Variants in DGKI observed in about 807,000 individuals in gnomAD.
The protein encoded by DGKI is DAG kinase iota.
DGKI carries 55 observed loss-of-function variants against 147.5 expected under a neutral mutation model. The ratio of observed to expected loss-of-function variants is 0.37; its 90% CI spans 0.30 to 0.47. The LOEUF (loss-of-function observed/expected upper bound fraction) is 0.47, where lower values mean the gene tolerates loss of function less well. DGKI is among the 20% of genes least tolerant of loss of function. DGKI has a pLI of 1.00. For missense variants in DGKI, 1,007 were observed against 1,323.8 expected (o/e 0.76, Z 3.71); for synonymous variants, 469 against 477.1 (o/e 0.98, Z 0.22).
At chr7:137,544,378 C>T (rs1347064877) in intron 20 of DGKI, among the ~76,000 whole-genome samples, 1 of 152,174 alleles carries the variant, frequency 6.6e-6, no homozygotes, top group African/African-American at 2.4e-5. Context: ...CCAGCCACAA[C>T]ATTCAGTTTG....
intron 1 of DGKI, among the ~76,000 whole-genome samples, chr7:137,697,452 A>G (rs1823828965): frequency 6.6e-6 from 1 of 152,260 alleles, no homozygotes; most frequent in Non-Finnish European, 1.5e-5. Context: ...AAGTCAAAGT[A>G]TAAATAAGAA....
chr7:137,411,594 G>C (rs370216294), intron 29 of DGKI, among the ~76,000 whole-genome samples: 3 of 152,234 alleles, frequency 2.0e-5, no homozygotes, highest in East Asian at 3.9e-4. Context: ...TGGTAGAGCC[G>C]AGATCCAAAC....
intron 1 of DGKI, among the ~76,000 whole-genome samples, chr7:137,769,803 T>C (rs1254146175): frequency 6.6e-6 from 1 of 152,172 alleles, no homozygotes; most frequent in African/African-American, 2.4e-5. Flanking sequence ...GAACGGCAAT[T>C]GTTAAAAAGT....
chr7:137,603,583 T>C (rs1446994474), intron 10 of DGKI, among the ~76,000 whole-genome samples: 1 of 152,160 alleles, frequency 6.6e-6, no homozygotes, highest in East Asian at 1.9e-4. Flanking sequence ...ACAAAATAAA[T>C]TAATTCACCA....
At chr7:137,482,065 TAA>T (rs928440932) in intron 23 of DGKI, among the ~76,000 whole-genome samples, 16 of 151,796 alleles carry the variant, frequency 1.1e-4, no homozygotes, top group African/African-American at 3.9e-4. Flanking sequence ...CACTAAGAAA[TAA>T]AAGATTTAGT....
At chr7:137,821,888 G>T (rs1412597707) in intron 1 of DGKI, among the ~76,000 whole-genome samples, 2 of 152,114 alleles carry the variant, frequency 1.3e-5, no homozygotes, top group African/African-American at 4.8e-5. Flanking sequence ...GGTGTGAGGA[G>T]GAGCCAAAAA....
At chr7:137,560,481 G>C (rs1376644461) in intron 19 of DGKI, among the ~76,000 whole-genome samples, 1 of 152,130 alleles carries the variant, frequency 6.6e-6, no homozygotes, top group African/African-American at 2.4e-5. Context: ...TAAATGCAAA[G>C]AAAACCACTG....
At chr7:137,663,819 A>G (rs1174787079) in intron 3 of DGKI, among the ~76,000 whole-genome samples, 2 of 152,190 alleles carry the variant, frequency 1.3e-5, no homozygotes, top group East Asian at 1.9e-4. Context: ...ATATTCCAGC[A>G]CTGAGAACCA....
At chr7:137,471,545 A>C (rs1033641849) in intron 23 of DGKI, among the ~76,000 whole-genome samples, 45 of 152,282 alleles carry the variant, frequency 3.0e-4, no homozygotes, top group African/African-American at 1.1e-3. Flanking sequence ...CAGAAACACA[A>C]ATTTCCAGGG....
At chr7:137,589,500 G>A (rs2128984841) in intron 12 of DGKI, among the ~76,000 whole-genome samples, 1 of 152,260 alleles carries the variant, frequency 6.6e-6, no homozygotes, top group East Asian at 1.9e-4. Flanking sequence ...TCTTTTACGT[G>A]CAATACCAAC....
intron 27 of DGKI, among the ~76,000 whole-genome samples, chr7:137,446,729 A>AAAAG (rs369085489): frequency 5.9e-5 from 9 of 152,170 alleles, no homozygotes; most frequent in Admixed American, 2.0e-4. Context: ...TCTGTCTCAA[A>AAAAG]AAAGAAAGAA....
At chr7:137,684,498 C>T (rs1376968445) in intron 2 of DGKI, among the ~76,000 whole-genome samples, 1 of 152,126 alleles carries the variant, frequency 6.6e-6, no homozygotes, top group Non-Finnish European at 1.5e-5. Context: ...TTTAGATAAT[C>T]ACTTGCCTCG....
intron 1 of DGKI, among the ~76,000 whole-genome samples, chr7:137,829,479 G>A (rs1201215984): frequency 2.0e-5 from 3 of 152,180 alleles, no homozygotes; most frequent in African/African-American, 7.2e-5. Context: ...CCACAACGCT[G>A]TGCTGTTTAA....
At chr7:137,743,670 A>G (rs1585433781) in intron 1 of DGKI, among the ~76,000 whole-genome samples, 1 of 152,290 alleles carries the variant, frequency 6.6e-6, no homozygotes, top group East Asian at 1.9e-4. Context: ...TCACACATAA[A>G]GGAACTAGAA....
At chr7:137,472,368 A>ATTATATACAT (rs1814995250) in intron 23 of DGKI, among the ~76,000 whole-genome samples, 1 of 19,074 alleles carries the variant, frequency 5.2e-5, no homozygotes, top group African/African-American at 2.2e-4. Flanking sequence ...ATATACATAT[A>ATTATATACAT]ATTATTATAT....
At chr7:137,618,140 TA>T (rs1307383321) in intron 8 of DGKI, among the ~76,000 whole-genome samples, 260 of 10,770 alleles carry the variant, frequency 0.024, 38 homozygotes, top group Non-Finnish European at 0.043. Context: ...TATATATATA[TA>T]TATATATATA....
At chr7:137,396,759 G>T (rs182543195) in intron 31 of DGKI, among the ~76,000 whole-genome samples, 215 of 152,226 alleles carry the variant, frequency 1.4e-3, no homozygotes, top group Admixed American at 4.0e-3. Context: ...GCCTATCTTT[G>T]TTCCTGTTTG....
chr7:137,707,213 G>C (rs762084579), intron 1 of DGKI, among the ~76,000 whole-genome samples: 1 of 152,152 alleles, frequency 6.6e-6, no homozygotes, highest in African/African-American at 2.4e-5. Context: ...TCTGCTTATC[G>C]TAAGTACCTC....
intron 27 of DGKI, among the ~76,000 whole-genome samples, chr7:137,461,083 T>G (rs565543649): frequency 6.6e-6 from 1 of 152,338 alleles, no homozygotes; most frequent in South Asian, 2.1e-4. Flanking sequence ...ACCCCTATAT[T>G]GTAGGACTTT....
Sources: gnomAD v4.1 joint callset for allele counts (sites outside exome capture counted in the v4.1 genomes callset) on GRCh38, gnomAD v4.1.1 for gene constraint, MANE v1.5 for transcripts, NCBI Gene and HGNC (gene_info 2026-07-23, HGNC 2026-07-21) for gene names.